The following KMT2C variants were observed in gnomAD, a reference collection of about 807,000 sequenced individuals.
KMT2C encodes histone-lysine N-methyltransferase 2C.
KMT2C carries 88 observed loss-of-function variants against 507.9 expected under a neutral mutation model. That is an observed-to-expected ratio of 0.17 (90% confidence interval 0.15 to 0.21). The LOEUF is 0.21. Among genes scored for constraint, KMT2C ranks in the 10% least tolerant of loss-of-function variants. The pLI is 1.00. For missense variants in KMT2C, 4,954 were observed against 5,957.8 expected (o/e 0.83, Z 5.55); for synonymous variants, 2,049 against 2,080.8 (o/e 0.98, Z 0.42).
In KMT2C at chr7:152,181,714, G is replaced by A. The variant is rs776261953; in HGVS notation, c.6146C>T (p.Pro2049Leu). 36 of 1,614,174 alleles carry A rather than the reference G, an allele frequency of 2.2e-5. No individual in the cohort carries two copies. Among genetic ancestry groups the A allele is most frequent in the Middle Eastern group, 1.6e-4 (1 of 6,062 alleles). The change falls in exon 36 of 59, where the codon CCT (proline) becomes CTT (leucine). Residue 2049 changes from proline (P) to leucine (L), a missense_variant. By Grantham distance (98) the Pro-to-Leu change is moderately conservative. This residue lies in a region of KMT2C where 1,689 missense variants were observed against 1,654.3 expected (regional missense o/e 1.02). Transcript: ENST00000262189. ...ATAAGGATCCTGAGAGGATGGAGGA[G>A]GTTGCATTGGAGTCTTAAAAGGTCC... The part of the protein sequence containing the change: ...GPGPFKTPMQ[P>L]PPSSQDPYGS...
chr7:152,255,147 ATATAT>A (rs2095638042), intron 9 of KMT2C, among the ~76,000 whole-genome samples: 1 of 119,310 alleles, frequency 8.4e-6, no homozygotes, highest in Non-Finnish European at 1.7e-5. Flanking sequence ...ATATATATAC[ATATAT>A]ATATATGTGT....
At chr7:152,243,661 C>G (rs199794357) in intron 14 of KMT2C, among the ~76,000 whole-genome samples, 1 of 151,888 alleles carries the variant, frequency 6.6e-6, no homozygotes, top group Non-Finnish European at 1.5e-5. Flanking sequence ...GACGTGCGCC[C>G]GTAGTCCCCG....
chr7:152,199,904 T>C (rs1326782540), intron 26 of KMT2C, among the ~76,000 whole-genome samples: 1 of 152,122 alleles, frequency 6.6e-6, no homozygotes, highest in African/African-American at 2.4e-5. Flanking sequence ...TGAAAGACGG[T>C]TTTATAGTCA....
rs1408904251 is a variant in KMT2C, at chr7:152,163,581, T to C, written c.9996A>G (p.Leu3332=). 6.2e-7 allele frequency: 1 copy of C among 1,604,948 alleles called. No individual in the cohort carries two copies. Among genetic ancestry groups the C allele is most frequent in the Non-Finnish European group, 8.5e-7 (1 of 1,174,504 alleles). ...GAGCACTGTTGGGTTGCCATCCAGGTAAACTGGGCATTCTAACAGGGCTAG... is the reference window on the plus strand; with the variant it reads ...GAGCACTGTTGGGTTGCCATCCAGGCAAACTGGGCATTCTAACAGGGCTAG... ...GHTSPVRMPS[L]PGWQPNSAPA... The change falls in exon 43 of 59, where the codon TTA becomes TTG. Residue 3332 remains leucine (L), a synonymous_variant. Coordinates refer to ENST00000262189, the MANE Select transcript of KMT2C (RefSeq NM_170606.3).
intron 6 of KMT2C, among the ~76,000 whole-genome samples, chr7:152,308,117 A>C (rs180934368): frequency 6.6e-6 from 1 of 152,292 alleles, no homozygotes; most frequent in African/African-American, 2.4e-5. Context: ...CTTTAATGTA[A>C]AATTTCCAAA....
At chr7:152,342,937 C>T (rs1185621987) in intron 2 of KMT2C, among the ~76,000 whole-genome samples, 1 of 152,102 alleles carries the variant, frequency 6.6e-6, no homozygotes, top group African/African-American at 2.4e-5. Context: ...CATTCTAGGC[C>T]ATTCTGCCCC....
Position 152,163,558 on chromosome 7 carries a change from G to A in KMT2C, c.10019C>T (p.Ala3340Val), listed in dbSNP as rs2129104568. The change falls in exon 43 of 59, where the codon GCT (alanine) becomes GTT (valine). Residue 3340 changes from alanine to valine, a missense_variant. Ala to Val is a moderately conservative substitution (Grantham distance 64, BLOSUM62 0). Transcript: ENST00000262189. Reference protein sequence around the residue: ...PSLPGWQPNSAPAHLPLNPPR... With the variant: ...PSLPGWQPNSVPAHLPLNPPR... ...AGGATTGAGGGGCAGGTGGGCAGGAGCACTGTTGGGTTGCCATCCAGGTAA... is the reference window on the plus strand; with the variant it reads ...AGGATTGAGGGGCAGGTGGGCAGGAACACTGTTGGGTTGCCATCCAGGTAA... 1 of 1,608,702 alleles carries A rather than the reference G, an allele frequency of 6.2e-7. No homozygotes were observed. Among genetic ancestry groups the A allele is most frequent in the Non-Finnish European group, 8.5e-7 (1 of 1,176,642 alleles).
At chr7:152,363,971 G>T (rs2097216529) in intron 1 of KMT2C, among the ~76,000 whole-genome samples, 1 of 152,142 alleles carries the variant, frequency 6.6e-6, no homozygotes, top group South Asian at 2.1e-4. Flanking sequence ...AGAGTGGCAA[G>T]ACCTCAATGA....
chr7:152,257,908 T>C lies in KMT2C; in HGVS notation c.1299+5108A>G, dbSNP rs552540225. Among the ~76,000 whole-genome samples, 6 of 152,150 alleles carry C rather than the reference T, an allele frequency of 3.9e-5. No individual in the cohort carries two copies. The South Asian group carries it at 1.2e-3, about 32-fold the overall frequency. On this transcript the variant is annotated intron_variant, in intron 9 of 58. Transcript: ENST00000262189. Reference sequence around the variant, plus strand: ...ACAAAAAAAACACCTCATAATGTTTTAAGAAATTTTATGAATTTCTGTTGG... The same window carrying C: ...ACAAAAAAAACACCTCATAATGTTTCAAGAAATTTTATGAATTTCTGTTGG...
chr7:152,357,094 C>T (rs374380433), intron 2 of KMT2C, among the ~76,000 whole-genome samples: 3 of 151,138 alleles, frequency 2.0e-5, no homozygotes, highest in South Asian at 2.1e-4. Flanking sequence ...GGCATGGTGG[C>T]GCATGTCTAT....
intron 9 of KMT2C, among the ~76,000 whole-genome samples, chr7:152,255,109 T>TTG: frequency 1.3e-5 from 1 of 78,348 alleles, no homozygotes. Flanking sequence ...CAACTCTCAC[T>TTG]TATATATATA....
At chr7:152,238,886 C>G (rs2095332809) in intron 14 of KMT2C, 60 bp from the exon 15 acceptor site, 6 of 1,464,768 alleles carry the variant, frequency 4.1e-6, no homozygotes, top group Non-Finnish European at 5.5e-6. Context: ...AAGGTCAAAG[C>G]CAGCAACTAA....
At chr7:152,259,804 A>C (rs1356910300) in intron 9 of KMT2C, among the ~76,000 whole-genome samples, 1 of 152,204 alleles carries the variant, frequency 6.6e-6, no homozygotes, top group East Asian at 1.9e-4. Context: ...ATTTGTCCCA[A>C]CATCTCCAGC....
intron 1 of KMT2C, chr7:152,368,430 G>A (rs957169500): frequency 6.1e-6 from 7 of 1,152,256 alleles, no homozygotes; most frequent in East Asian, 2.5e-5. Flanking sequence ...TGGAGCAGGT[G>A]TTAGAGATGA....
At chr7:152,320,285 G>A (rs370950300) in intron 3 of KMT2C, among the ~76,000 whole-genome samples, 4 of 152,080 alleles carry the variant, frequency 2.6e-5, no homozygotes, top group East Asian at 3.8e-4. Context: ...GTCTCACTCC[G>A]TTGTCCAGGC....
At position 152,154,376 on chromosome 7, in the gene KMT2C, C is replaced by A. The variant is rs2129098777; in HGVS notation, c.12030G>T (p.Val4010=). 1 of 1,614,128 alleles carries A rather than the reference C, an allele frequency of 6.2e-7. No individual in the cohort carries two copies. Among genetic ancestry groups the A allele is most frequent in the Non-Finnish European group, 8.5e-7 (1 of 1,179,996 alleles). ...SFVPSSSPES[V]VGVEVSRYPD... ...GATACCTGCTCACTTCTACCCCAACCACACTCTCAGGAGAGGATGAGGGAA... is the reference window on the plus strand; with the variant it reads ...GATACCTGCTCACTTCTACCCCAACAACACTCTCAGGAGAGGATGAGGGAA... Residue 4010 remains valine, a synonymous_variant, in exon 47 of 59, where the codon GTG becomes GTT. Transcript: ENST00000262189.
At chr7:152,159,585 A>G (rs2092320924) in intron 43 of KMT2C, among the ~76,000 whole-genome samples, 1 of 152,238 alleles carries the variant, frequency 6.6e-6, no homozygotes, top group African/African-American at 2.4e-5. Flanking sequence ...GACAACAATA[A>G]AAAGAAAAAA....
chr7:152,177,102 T>G lies in KMT2C; in HGVS notation c.8351A>C (p.Lys2784Thr). 2 of 1,612,792 alleles carry G rather than the reference T, an allele frequency of 1.2e-6. No homozygotes were observed. The highest frequency in any genetic ancestry group is 1.7e-6 in the Non-Finnish European group (2 of 1,179,384). Reference protein sequence around the residue: ...NEELDLPIDDKLDNQCVSVEP... With the variant: ...NEELDLPIDDTLDNQCVSVEP... ...AACAGATACACACTGATTATCTAAC[T>G]TATCATCAATTGGAAGGTCTAGTTC... Residue 2784 changes from lysine (K) to threonine (T), a missense_variant, in exon 38 of 59, where the codon AAG becomes ACG. Coordinates refer to ENST00000262189, the MANE Select transcript of KMT2C (RefSeq NM_170606.3).
rs192319195 is a variant in KMT2C at position 152,251,149 on chromosome 7, A to C, written c.1622-183T>G. Among the ~76,000 whole-genome samples, 388 of 152,290 alleles carry C rather than the reference A, an allele frequency of 2.5e-3. 4 individuals carry two copies. Among genetic ancestry groups the C allele is most frequent in the African/African-American group, 8.7e-3 (360 of 41,560 alleles). ...CATTTTTAAAAAACATGAAAATTAT[A>C]ATGCATCAAAAGGTGGGCCAACCGT... On this transcript the variant is annotated intron_variant, in intron 11 of 58. Coordinates refer to ENST00000262189, the MANE Select transcript of KMT2C (RefSeq NM_170606.3).
Sources: gnomAD v4.1 joint callset for allele counts (sites outside exome capture counted in the v4.1 genomes callset) on GRCh38, gnomAD v4.1.1 for gene constraint, gnomAD v4.1.1 regional missense constraint, MANE v1.5 for transcripts, NCBI Gene and HGNC (gene_info 2026-07-23, HGNC 2026-07-21) for gene names.